The following USP43 variants were observed in gnomAD, a reference collection of about 807,000 sequenced individuals.
The protein encoded by USP43 is ubiquitin specific peptidase 43.
A neutral mutation model predicts 90.7 loss-of-function variants in USP43; 33 were observed. The ratio of observed to expected loss-of-function variants is 0.36; its 90% CI spans 0.28 to 0.49. The LOEUF is 0.49. Ranked by LOEUF, USP43 falls within the 20% of genes least tolerant of loss-of-function variation. The pLI is 0.98. For missense variants in USP43, 1,274 were observed against 1,476.4 expected, an observed-to-expected ratio of 0.86 and a Z score of 2.25; for synonymous variants, 598 against 615.8, an observed-to-expected ratio of 0.97 and a Z score of 0.43.
chr17:9,687,786 A>G (rs1914679112), intron 8 of USP43, among the ~76,000 whole-genome samples: 1 of 152,198 alleles, frequency 6.6e-6, no homozygotes, highest in Non-Finnish European at 1.5e-5. Context: ...ACCAAATAAC[A>G]TTTTGTTAAA....
At chr17:9,679,475 G>A (rs1914012915) in intron 5 of USP43, among the ~76,000 whole-genome samples, 1 of 149,560 alleles carries the variant, frequency 6.7e-6, no homozygotes, top group African/African-American at 2.5e-5. Context: ...AAAGTGTTGG[G>A]ATTATAGGCA....
In USP43 at chr17:9,701,101, G is replaced by T; in HGVS notation, c.1536-18G>T. On this transcript the variant is annotated intron_variant, in intron 10 of 14. Transcript: ENST00000285199. The surrounding 1 kb of genome is among the most constrained non-coding windows in gnomAD (Gnocchi z 7.2). ...GAGCAGGAAAGTCCTGAACGCCGTG[G>T]GTGTCCTCTCCGTGCAGCCTGTTCG... 6.9e-7 allele frequency: 1 copy of T among 1,452,360 alleles called. No homozygotes were observed. The highest frequency in any genetic ancestry group is 9.1e-7 in the Non-Finnish European group (1 of 1,099,196). The allele number at this position is 1,452,360 out of a possible 1,614,324, so 90.0% of individuals were successfully genotyped here. A position where few individuals can be genotyped will look rare whatever the true frequency, so the allele number is the denominator to read the frequency against.
At chr17:9,670,736 T>A (rs941233090) in intron 3 of USP43, among the ~76,000 whole-genome samples, 2 of 152,098 alleles carry the variant, frequency 1.3e-5, no homozygotes, top group African/African-American at 4.8e-5. Context: ...GGAGTGACAT[T>A]TGAGCTGATT....
chr17:9,678,653 A>G (rs1306028509), intron 5 of USP43, among the ~76,000 whole-genome samples: 1 of 151,864 alleles, frequency 6.6e-6, no homozygotes, highest in Non-Finnish European at 1.5e-5. Flanking sequence ...ATTTGGATTT[A>G]TTTATGTCAT....
At chr17:9,720,745 C>T (rs1818250390) in intron 14 of USP43, among the ~76,000 whole-genome samples, 1 of 152,088 alleles carries the variant, frequency 6.6e-6, no homozygotes, top group South Asian at 2.1e-4. Flanking sequence ...ACCTCGGCCT[C>T]CCACAGTGCT....
chr17:9,664,625 G>T (rs905361224), intron 2 of USP43, among the ~76,000 whole-genome samples: 1 of 151,548 alleles, frequency 6.6e-6, no homozygotes, highest in East Asian at 2.0e-4. Context: ...TTTATGTGGG[G>T]CCTTGCATAG....
rs370119501 is a variant in USP43, at chr17:9,680,150, G to A, written c.970-81G>A. On this transcript the variant is annotated intron_variant, in intron 5 of 14. Coordinates refer to ENST00000285199, the MANE Select transcript of USP43 (RefSeq NM_153210.5). The stretch of plus-strand genomic sequence containing the variant: ...AAGGAAAAGGTGAAAAATGGGTGTT[G>A]ACTATCAGTCACTTTTAGATTTCTT... 4.8e-5 allele frequency: 72 copies of A among 1,512,302 alleles called. No individual in the cohort carries two copies. In the East Asian group the frequency reaches 1.3e-3, roughly 28 times the overall value. The allele number at this position is 1,512,302 out of a possible 1,614,324, so 93.7% of individuals were successfully genotyped here. A position where few individuals can be genotyped will look rare whatever the true frequency, so the allele number is the denominator to read the frequency against.
intron 2 of USP43, 131 bp downstream of exon 2, chr17:9,656,665 C>T (rs899410223): frequency 8.5e-7 from 1 of 1,177,204 alleles, no homozygotes; most frequent in Non-Finnish European, 1.1e-6. Flanking sequence ...ACTATATCCA[C>T]AGTCTGTTCC....
At chr17:9,681,153 T>TATATACTATATACTATATACTATATA (rs1914168641) in intron 6 of USP43, among the ~76,000 whole-genome samples, 1 of 89,492 alleles carries the variant, frequency 1.1e-5, no homozygotes, top group Non-Finnish European at 2.0e-5. Context: ...TACTATATAA[T>TATATACTATATACTATATACTATATA]ATATACTATA....
At chr17:9,683,389 T>TTTTTTTTTTTTTTTTTTTTTTTTTTAGAG (rs1914416925) in intron 7 of USP43, among the ~76,000 whole-genome samples, 2 of 152,302 alleles carry the variant, frequency 1.3e-5, no homozygotes, top group Admixed American at 6.5e-5. Flanking sequence ...ATAGCTTTCT[T>TTTTTTTTTTTTTTTTTTTTTTTTTTAGAG]ATATAGCCCA....
intron 2 of USP43, among the ~76,000 whole-genome samples, chr17:9,660,421 T>G (rs887402978): frequency 6.6e-6 from 1 of 152,184 alleles, no homozygotes; most frequent in Non-Finnish European, 1.5e-5. Flanking sequence ...AGTGCTGAGA[T>G]TACAAGTGTG....
intron 9 of USP43, among the ~76,000 whole-genome samples, chr17:9,694,767 G>A (rs1915158399): frequency 6.6e-6 from 1 of 152,078 alleles, no homozygotes; most frequent in Non-Finnish European, 1.5e-5. Flanking sequence ...GGGATTATAG[G>A]CACACGCCAT....
At chr17:9,656,568 GTTTTCTTT>G in intron 2 of USP43, 34 bp downstream of exon 2, 3 of 1,565,834 alleles carry the variant, frequency 1.9e-6, no homozygotes, top group Non-Finnish European at 2.6e-6. Flanking sequence ...AATGTACTGG[GTTTTCTTT>G]TTTTCTTTTA....
intron 1 of USP43, among the ~76,000 whole-genome samples, chr17:9,648,128 G>C (rs1911585155): frequency 6.6e-6 from 1 of 152,252 alleles, no homozygotes; most frequent in South Asian, 2.1e-4. Context: ...CAGGGCCTGG[G>C]AGCTCCCAGT....
Position 9,712,098 on chromosome 17 carries a change from C to T in USP43, c.2301C>T (p.Pro767=), listed in dbSNP as rs368082477. ...CPSLPQVPDS[P]IFTNSLCNQE... ...CCCTGCCCCAGGTTCCTGACTCTCC[C>T]ATCTTCACCAACAGCCTCTGCAATC... Residue 767 remains proline (P), a synonymous_variant, in exon 14 of 15, where the codon CCC becomes CCT. Coordinates refer to ENST00000285199, the MANE Select transcript of USP43 (RefSeq NM_153210.5). 3.1e-6 allele frequency: 5 copies of T among 1,605,808 alleles called. No homozygotes were observed. In the African/African-American group the frequency reaches 6.7e-5, roughly 22 times the overall value.
At chr17:9,704,291 T>C (rs888110622) in intron 12 of USP43, among the ~76,000 whole-genome samples, 4 of 152,032 alleles carry the variant, frequency 2.6e-5, no homozygotes, top group African/African-American at 4.8e-5. Flanking sequence ...GTCTGGGAAA[T>C]ATCTTTGTGC....
rs1329163663 is a variant in USP43 at position 9,717,900 on chromosome 17, G to A, written c.2335+5768G>A. ...CAACCTCCGCCTCCCGGGTTCAAGCGATTCTCCTGCCTCAGACTCCCGAGT... is the reference window on the plus strand; with the variant it reads ...CAACCTCCGCCTCCCGGGTTCAAGCAATTCTCCTGCCTCAGACTCCCGAGT... On this transcript the variant is annotated intron_variant, in intron 14 of 14. Transcript: ENST00000285199. 2.0e-5 allele frequency among the ~76,000 whole-genome samples: 3 copies of A among 151,502 alleles called. No homozygotes were observed. The East Asian group carries it at 5.9e-4, about 30-fold the overall frequency.
In USP43 at chr17:9,693,219, G is replaced by A; in HGVS notation, c.1446G>A (p.Trp482Ter). ...AGGACAGTCGGCCCCTCTGTCACTG[G>A]GCAGTTGACAGGTAAGGGGGAAGGT... is the stretch of plus-strand genomic sequence containing the variant. ...SPKDSRPLCH[W>*]AVDRVLHLRR... The change falls in exon 9 of 15, where the codon TGG becomes TGA. Residue 482 changes from tryptophan to a stop codon, truncating the protein, a stop_gained. Coordinates refer to ENST00000285199, the MANE Select transcript of USP43 (RefSeq NM_153210.5). LOFTEE classifies it high-confidence loss of function. 1 of 1,612,512 alleles carries A rather than the reference G, an allele frequency of 6.2e-7. No individual in the cohort carries two copies. Among genetic ancestry groups the A allele is most frequent in the Non-Finnish European group, 8.5e-7 (1 of 1,179,350 alleles).
chr17:9,727,878 G>A, intron 14 of USP43, 76 bp from the exon 15 acceptor site: 1 of 1,487,404 alleles, frequency 6.7e-7, no homozygotes. Context: ...CATCAGAGGT[G>A]CTCAGTGAAC....
Sources: allele counts gnomAD v4.1 joint callset (sites outside exome capture counted in the v4.1 genomes callset), GRCh38; gene constraint gnomAD v4.1.1; non-coding constraint Gnocchi (gnomAD v3.1); transcripts MANE v1.5; gene names NCBI Gene and HGNC (gene_info 2026-07-23, HGNC 2026-07-21).